The following RNF213 variants were observed in gnomAD, a reference collection of about 807,000 sequenced individuals.
The protein encoded by RNF213 is ring finger protein 213.
A neutral mutation model predicts 514.4 loss-of-function variants in RNF213; 341 were observed. The ratio of observed to expected loss-of-function variants is 0.66; its 90% CI spans 0.61 to 0.73. The LOEUF (loss-of-function observed/expected upper bound fraction) is 0.73, where lower values mean the gene tolerates loss of function less well. Ranked by LOEUF, RNF213 falls within the 30% of genes least tolerant of loss-of-function variation. RNF213 has a pLI of 0.00. For synonymous variants in RNF213, 2,655 were observed against 2,658.2 expected, an observed-to-expected ratio of 1.00 and a Z score of 0.04; for missense variants, 5,767 against 6,615.6, an observed-to-expected ratio of 0.87 and a Z score of 4.45.
chr17:80,352,011 T>C lies in RNF213; in HGVS notation c.10303+208T>C, dbSNP rs564276237. The stretch of plus-strand genomic sequence containing the variant: ...CTGGCATTACAGGCGTGCGCCACCA[T>C]GCCCAGCTAATTTTTGTATGTTTAG... On this transcript the variant is annotated intron_variant, in intron 32 of 67. Transcript: ENST00000582970. 77 of 425,056 alleles carry C rather than the reference T, an allele frequency of 1.8e-4. 5 individuals carry two copies. Among genetic ancestry groups the C allele is most frequent in the South Asian group, 1.7e-3 (70 of 40,154 alleles). The allele number at this position is 425,056 out of a possible 1,614,324, so 26.3% of individuals were successfully genotyped here. A position where few individuals can be genotyped will look rare whatever the true frequency, so the allele number is the denominator to read the frequency against.
chr17:80,357,106 G>A (rs371880091), intron 36 of RNF213, among the ~76,000 whole-genome samples: 2 of 151,894 alleles, frequency 1.3e-5, no homozygotes, highest in East Asian at 1.9e-4. Context: ...TAGTAGAGAC[G>A]GGATTTCACC....
At chr17:80,324,886 T>C in intron 17 of RNF213, 144 bp from the exon 18 acceptor site, 1 of 756,648 alleles carries the variant, frequency 1.3e-6, no homozygotes. Context: ...TAAAGTGTTT[T>C]ACTATTTTGC....
At chr17:80,348,359 A>G (rs918675361) in intron 29 of RNF213, 73 bp downstream of exon 29, 30 of 1,589,046 alleles carry the variant, frequency 1.9e-5, no homozygotes, top group Non-Finnish European at 2.3e-5. Flanking sequence ...TCAGGATTCA[A>G]GATTCTTCCC....
chr17:80,352,142 C>T (rs971031177), intron 32 of RNF213: 11 of 261,288 alleles, frequency 4.2e-5, no homozygotes, highest in Admixed American at 1.5e-4. Context: ...TGTGAGCCAC[C>T]GCACCCAGCC....
chr17:80,313,690 TGGTGAAGGG>T, intron 15 of RNF213, among the ~76,000 whole-genome samples: 1 of 148,250 alleles, frequency 6.7e-6, no homozygotes, highest in East Asian at 2.0e-4. Flanking sequence ...GTGATGGTGG[TGGTGAAGGG>T]GATGGTGGTG....
chr17:80,377,671 G>C lies in RNF213; in HGVS notation c.13511-91G>C. 7.0e-7 allele frequency: 1 copy of C among 1,421,810 alleles called. No individual in the cohort carries two copies. Among genetic ancestry groups the C allele is most frequent in the Non-Finnish European group, 1.0e-6 (1 of 1,004,616 alleles). The allele number at this position is 1,421,810 out of a possible 1,614,324, so 88.1% of individuals were successfully genotyped here. A position where few individuals can be genotyped will look rare whatever the true frequency, so the allele number is the denominator to read the frequency against. ...GACAGTCATTCTCATATTGTGGTCA[G>C]GGCCAGAGAGTAGAGAGTTAGCTTT... On this transcript the variant is annotated intron_variant, in intron 53 of 67. Coordinates refer to ENST00000582970, the MANE Select transcript of RNF213 (RefSeq NM_001256071.3). The surrounding 1 kb of genome is among the most constrained non-coding windows in gnomAD (Gnocchi z 4.1).
At chr17:80,308,267 C>G (rs2045441590) in intron 13 of RNF213, among the ~76,000 whole-genome samples, 1 of 151,948 alleles carries the variant, frequency 6.6e-6, no homozygotes, top group Non-Finnish European at 1.5e-5. Context: ...CTTGAGGATC[C>G]CCCCCACAAG....
In RNF213 at chr17:80,324,985, A is replaced by G. The variant is rs1321727660; in HGVS notation, c.3025-45A>G. 18 of 1,512,166 alleles carry G rather than the reference A, an allele frequency of 1.2e-5. No homozygotes were observed. The East Asian group carries it at 3.9e-4, about 33-fold the overall frequency. 93.7% of individuals were successfully genotyped at this position (1,512,166 alleles called of 1,614,324 possible). On this transcript the variant is annotated intron_variant, in intron 17 of 67. Coordinates refer to ENST00000582970, the MANE Select transcript of RNF213 (RefSeq NM_001256071.3). ...TGCTTTTGTTATTTCAAAACAAACT[A>G]ATGAAAAACTTCTAAATGTCCCTCT...
At chr17:80,309,489 C>T (rs748957706) in intron 14 of RNF213, among the ~76,000 whole-genome samples, 2 of 152,138 alleles carry the variant, frequency 1.3e-5, no homozygotes, top group East Asian at 1.9e-4. Flanking sequence ...CAACGCCACG[C>T]GGAGAAGACG....
intron 2 of RNF213, among the ~76,000 whole-genome samples, chr17:80,265,521 G>A (rs906978751): frequency 6.6e-6 from 1 of 152,190 alleles, no homozygotes; most frequent in Non-Finnish European, 1.5e-5. Flanking sequence ...CGAAAACCAA[G>A]AAATACAGTG....
chr17:80,387,661 C>T (rs897302750), intron 63 of RNF213, among the ~76,000 whole-genome samples: 1 of 152,186 alleles, frequency 6.6e-6, no homozygotes, highest in Non-Finnish European at 1.5e-5. Context: ...CATCCTGTGC[C>T]GGATGGACCT....
At position 80,397,410 on chromosome 17, in the gene RNF213, G is replaced by T. The variant is rs1281971766; in HGVS notation, c.*3912G>T. 1 of 152,074 alleles carries T rather than the reference G, an allele frequency of 6.6e-6. No individual in the cohort carries two copies. The highest frequency in any genetic ancestry group is 2.4e-5 in the African/African-American group (1 of 41,398). 9.4% of individuals were successfully genotyped at this position (152,074 alleles called of 1,614,324 possible). On this transcript the variant is annotated 3_prime_UTR_variant, in exon 68 of 68. Coordinates refer to ENST00000582970, the MANE Select transcript of RNF213 (RefSeq NM_001256071.3). ...GAAGTAAAAACTAAAAGGCAGAAAT[G>T]AAATCCACAAGCAGACAGCCTGCAC...
At chr17:80,280,092 C>T (rs573252320) in intron 3 of RNF213, among the ~76,000 whole-genome samples, 3 of 150,592 alleles carry the variant, frequency 2.0e-5, no homozygotes, top group Non-Finnish European at 4.4e-5. Context: ...ATGCTCTTTC[C>T]TCTGTGGGCT....
chr17:80,272,320 A>G (rs572405717), intron 2 of RNF213, among the ~76,000 whole-genome samples: 5 of 152,180 alleles, frequency 3.3e-5, no homozygotes, highest in Non-Finnish European at 7.3e-5. Flanking sequence ...AAAGAAAAAG[A>G]AAAAAGAGGT....
chr17:80,358,374 A>G lies in RNF213; in HGVS notation c.10949A>G (p.Glu3650Gly), dbSNP rs768790793. 2 of 1,614,126 alleles carry G rather than the reference A, an allele frequency of 1.2e-6. No individual in the cohort carries two copies. Among genetic ancestry groups the G allele is most frequent in the Non-Finnish European group, 1.7e-6 (2 of 1,180,018 alleles). ...ISFIDRDGNL[E>G]LLTRPDTPPW... ...TTCATCGACAGAGACGGCAACCTAG[A>G]GTTACTGACCAGGCCAGATACTCCG... is the stretch of plus-strand genomic sequence containing the variant. The change falls in exon 37 of 68, where the codon GAG (glutamate) becomes GGG (glycine). Residue 3650 changes from glutamate (E) to glycine (G), a missense_variant. Glu to Gly is a moderately conservative substitution (Grantham distance 98). This residue lies in a region of RNF213 where 919 missense variants were observed against 1,121.0 expected (regional missense o/e 0.82). Transcript: ENST00000582970.
In RNF213 at chr17:80,377,924, CCAGGGTGCTCTGAG is replaced by C. The variant is rs2079827817; in HGVS notation, c.13545+134_13545+147del. On this transcript the variant is annotated intron_variant, in intron 54 of 67. Transcript: ENST00000582970. The surrounding 1 kb of genome is among the most constrained non-coding windows in gnomAD (Gnocchi z 4.1). ...AGAGCACAGGCTCACCGAGGACTGC[CCAGGGTGCTCTGAG>C]CAGGGCAATGCCAATGGCGCTAAGG... 1.9e-6 allele frequency: 2 copies of C among 1,075,662 alleles called. No homozygotes were observed. The highest frequency in any genetic ancestry group is 3.4e-5 in the Admixed American group (2 of 58,818). 66.6% of individuals were successfully genotyped at this position (1,075,662 alleles called of 1,614,324 possible).
In RNF213 at chr17:80,335,183, A is replaced by AAAGTGCAGGCGTGAGC. The variant is rs2077952784; in HGVS notation, c.4309+918_4309+933dup. ...GGTGATCCACCCATCTCAGCCTCCC[A>AAAGTGCAGGCGTGAGC]AAGTGCAGGCGTGAGCAAGTACAGG... On this transcript the variant is annotated intron_variant, in intron 22 of 67. Transcript: ENST00000582970. 3.3e-5 allele frequency among the ~76,000 whole-genome samples: 5 copies of AAAGTGCAGGCGTGAGC among 152,206 alleles called. No individual in the cohort carries two copies. In the South Asian group the frequency reaches 1.0e-3, roughly 32 times the overall value.
intron 10 of RNF213, 46 bp from the exon 11 acceptor site, chr17:80,298,275 C>T (rs1198424625): frequency 2.5e-6 from 4 of 1,600,676 alleles, no homozygotes; most frequent in Non-Finnish European, 3.4e-6. Context: ...AGGGAGATGA[C>T]TCCCTGGCCA....
At chr17:80,262,255 C>G (rs545053271) in intron 1 of RNF213, among the ~76,000 whole-genome samples, 4 of 152,024 alleles carry the variant, frequency 2.6e-5, no homozygotes, top group Non-Finnish European at 5.9e-5. Context: ...TCCTTCTACT[C>G]TGAAGGAGAG....
Sources: allele counts gnomAD v4.1 joint callset (sites outside exome capture counted in the v4.1 genomes callset), GRCh38; gene constraint gnomAD v4.1.1; regional missense constraint gnomAD v4.1.1; non-coding constraint Gnocchi (gnomAD v3.1); transcripts MANE v1.5; gene names NCBI Gene and HGNC (gene_info 2026-07-23, HGNC 2026-07-21).